Variants in SCN4A observed in about 807,000 individuals in gnomAD.
SCN4A encodes the protein sodium channel protein type 4 subunit alpha.
SCN4A carries 83 observed loss-of-function variants against 162.0 expected under a neutral mutation model. The ratio of observed to expected loss-of-function variants is 0.51; its 90% CI spans 0.43 to 0.61. The LOEUF is 0.61. Ranked by LOEUF, SCN4A falls within the 20% of genes least tolerant of loss-of-function variation. The probability of loss-of-function intolerance (pLI) is 0.00; values close to 1 mark genes in which losing one functional copy is unlikely to be tolerated. For synonymous variants in SCN4A, 944 were observed against 985.1 expected (o/e 0.96, Z 0.78); for missense variants, 2,196 against 2,462.5 (o/e 0.89, Z 2.29).
In SCN4A at chr17:63,948,758, C is replaced by G. The variant is rs1341818616; in HGVS notation, c.2997G>C (p.Val999=). 6.2e-7 allele frequency: 1 copy of G among 1,605,532 alleles called. No homozygotes were observed. ...QPEECFTEAC[V]QRWPCLYVDI... ...CCACGTAGAGGCAGGGCCAGCGCTG[C>G]ACGCAGGCTGATGGGGTGAGGGGGG... is the stretch of plus-strand genomic sequence containing the variant. The change falls in exon 16 of 24, where the codon GTG becomes GTC. Residue 999 remains valine (V), a synonymous_variant. Coordinates refer to ENST00000435607, the MANE Select transcript of SCN4A (RefSeq NM_000334.4).
intron 18 of SCN4A, among the ~76,000 whole-genome samples, chr17:63,946,297 G>A (rs1479603294): frequency 1.3e-5 from 2 of 152,168 alleles, no homozygotes; most frequent in South Asian, 2.1e-4. Context: ...GGGCTCCCTG[G>A]CTCTGGGGGG....
At chr17:63,943,197 A>C in intron 22 of SCN4A, 101 bp from the exon 23 acceptor site, 1 of 1,063,662 alleles carries the variant, frequency 9.4e-7, no homozygotes, top group East Asian at 2.4e-5. Flanking sequence ...AGCATGACAG[A>C]GATGACAGAG....
intron 5 of SCN4A, among the ~76,000 whole-genome samples, chr17:63,969,656 T>TTTTC (rs1567828636): frequency 3.7e-4 from 57 of 152,016 alleles, no homozygotes; most frequent in Admixed American, 7.2e-4. Flanking sequence ...CTTTTCTTTT[T>TTTTC]TTTTTGAGAT....
intron 4 of SCN4A, among the ~76,000 whole-genome samples, 198 bp downstream of exon 4, chr17:63,971,524 C>T (rs545420246): frequency 1.4e-4 from 21 of 152,112 alleles, no homozygotes; most frequent in Admixed American, 2.6e-4. Context: ...AGGGCTGCCT[C>T]ATGTGATTAT....
chr17:63,959,348 C>T lies in SCN4A; in HGVS notation c.1936G>A (p.Asp646Asn), dbSNP rs1220797445. The T allele has an allele frequency of 3.1e-6, 5 of 1,613,944 alleles. No individual in the cohort carries two copies. The highest frequency in any genetic ancestry group is 4.2e-6 in the Non-Finnish European group (5 of 1,179,858). The change falls in exon 12 of 24, where the codon GAC (aspartate) becomes AAC (asparagine). Residue 646 changes from aspartate to asparagine, a missense_variant. Physicochemically the swap from Asp to Asn is conservative, Grantham distance 23. Transcript: ENST00000435607. ...AGGCTGAGGGTGACGATGATGCTGTCGAAGATATTCCAACCCTGCTGGAAA... is the reference window on the plus strand; with the variant it reads ...AGGCTGAGGGTGACGATGATGCTGTTGAAGATATTCCAACCCTGCTGGAAA... ...EYFQQGWNIF[D>N]SIIVTLSLVE... is the part of the protein sequence containing the mutation.
chr17:63,943,234 G>A lies in SCN4A; in HGVS notation c.4018-138C>T, dbSNP rs1011098861. ...TGACAGAGAGAGAGAGAGAGAGAGA[G>A]AGAAAGGAGGTGTTGGGGGTTGTGG... is the stretch of plus-strand genomic sequence containing the variant. On this transcript the variant is annotated intron_variant, in intron 22 of 23. Transcript: ENST00000435607. The A allele has an allele frequency of 4.0e-6, 4 of 1,005,308 alleles. No individual in the cohort carries two copies. The African/African-American group carries it at 5.0e-5, about 13-fold the overall frequency. 62.3% of individuals were successfully genotyped at this position (1,005,308 alleles called of 1,614,324 possible).
chr17:63,946,622 G>A lies in SCN4A; in HGVS notation c.3441+423C>T, dbSNP rs1908734580. ...GGTGAGGGGAAGGCTCAGAGCCAGG[G>A]TGCAGGCACCTTGTTTCAAAGCCCT... On this transcript the variant is annotated intron_variant, in intron 18 of 23. Transcript: ENST00000435607. Among the ~76,000 whole-genome samples the A allele has an allele frequency of 2.0e-5, 3 of 152,120 alleles. 1 individual carries two copies. In the South Asian group the frequency reaches 6.2e-4, roughly 31 times the overall value.
rs1597973581 is a variant in SCN4A at position 63,951,562 on chromosome 17, G to A, written c.2715C>T (p.Ser905=). 5.0e-6 allele frequency: 8 copies of A among 1,613,886 alleles called. No individual in the cohort carries two copies. Among genetic ancestry groups the A allele is most frequent in the Admixed American group, 3.3e-5 (2 of 60,008 alleles). The change falls in exon 14 of 24, where the codon TCC becomes TCT. Residue 905 remains serine (S), a synonymous_variant. Transcript: ENST00000435607. This position sits in a 1 kb window ranked among gnomAD's most constrained non-coding sequence, Gnocchi z 4.5. The stretch of plus-strand genomic sequence containing the variant: ...AGTTAAGGTGGTCCAGCTCGAGGCT[G>A]GATGGGGGGCCGTCAGCCAGGCCCA... ...NHMGLADGPP[S]SLELDHLNFI... is the part of the protein sequence containing the mutation.
chr17:63,946,508 C>T (rs1433493166), intron 18 of SCN4A, among the ~76,000 whole-genome samples: 6 of 144,392 alleles, frequency 4.2e-5, no homozygotes, highest in Admixed American at 6.9e-5. Context: ...CTGCCACTTC[C>T]GCTCTCCAGG....
intron 16 of SCN4A, among the ~76,000 whole-genome samples, 154 bp downstream of exon 16, chr17:63,948,457 C>T (rs1035384367): frequency 6.6e-6 from 1 of 152,160 alleles, no homozygotes; most frequent in Non-Finnish European, 1.5e-5. Flanking sequence ...CATCCTATAA[C>T]CTATCCCGGA....
Position 63,941,602 on chromosome 17 carries a change from C to T in SCN4A, c.4680G>A (p.Pro1560=), listed in dbSNP as rs370207597. 4.8e-5 allele frequency: 78 copies of T among 1,613,876 alleles called. No homozygotes were observed. The Admixed American group carries it at 7.5e-4, about 16-fold the overall frequency. ...PPDCDPNLEN[P]GTSVKGDCGN... is the part of the protein sequence containing the mutation. ...CGCAGTCACCCTTGACACTGGTGCC[C>T]GGGTTCTCCAGGTTGGGGTCACAGT... Residue 1560 remains proline (P), a synonymous_variant, in exon 24 of 24, where the codon CCG becomes CCA. Coordinates refer to ENST00000435607, the MANE Select transcript of SCN4A (RefSeq NM_000334.4). This position sits in a 1 kb window ranked among gnomAD's most constrained non-coding sequence, Gnocchi z 6.2.
rs774491901 is a variant in SCN4A at position 63,951,507 on chromosome 17, C to T, written c.2770G>A (p.Val924Met). ...TCGGACTCCTCGGAGGCGATGGGCA[C>T]CTGTATGGTCAGGTAGGGGTTGTTG... The part of the protein sequence containing the change: ...FINNPYLTIQ[V>M]PIASEESDLE... Residue 924 changes from valine (V) to methionine (M), a missense_variant, in exon 14 of 24, where the codon GTG becomes ATG. Physicochemically the swap from Val to Met is conservative, Grantham distance 21. Coordinates refer to ENST00000435607, the MANE Select transcript of SCN4A (RefSeq NM_000334.4). This position sits in a 1 kb window ranked among gnomAD's most constrained non-coding sequence, Gnocchi z 4.5. 12 of 1,613,842 alleles carry T rather than the reference C, an allele frequency of 7.4e-6. No homozygotes were observed. The highest frequency in any genetic ancestry group is 1.1e-5 in the South Asian group (1 of 91,078).
Position 63,959,203 on chromosome 17 carries a change from A to G in SCN4A, c.2019+62T>C, listed in dbSNP as rs1597978551. 2.1e-6 allele frequency: 3 copies of G among 1,440,366 alleles called. No individual in the cohort carries two copies. In the Admixed American group the frequency reaches 5.7e-5, roughly 27 times the overall value. The allele number at this position is 1,440,366 out of a possible 1,614,324, so 89.2% of individuals were successfully genotyped here. A position where few individuals can be genotyped will look rare whatever the true frequency, so the allele number is the denominator to read the frequency against. ...GGTTTCTCCTCCCATCCCTGTGCCCACCCTCCTTAGTCTCCTCACCCCACC... is the reference window on the plus strand; with the variant it reads ...GGTTTCTCCTCCCATCCCTGTGCCCGCCCTCCTTAGTCTCCTCACCCCACC... On this transcript the variant is annotated intron_variant, in intron 12 of 23. Coordinates refer to ENST00000435607, the MANE Select transcript of SCN4A (RefSeq NM_000334.4).
At position 63,968,008 on chromosome 17, in the gene SCN4A, C is replaced by A. The variant is rs982166905; in HGVS notation, c.1036+15G>T. On this transcript the variant is annotated intron_variant, in intron 6 of 23. Coordinates refer to ENST00000435607, the MANE Select transcript of SCN4A (RefSeq NM_000334.4). ...GGACAGGATCCCCCTTGCCCGTCAC[C>A]CTCCCCATTCTTACCTTCATCACTG... 6.2e-7 allele frequency: 1 copy of A among 1,608,428 alleles called. No individual in the cohort carries two copies. Among genetic ancestry groups the A allele is most frequent in the East Asian group, 2.2e-5 (1 of 44,810 alleles).
chr17:63,958,845 G>A (rs1230469147), intron 12 of SCN4A, among the ~76,000 whole-genome samples: 1 of 152,228 alleles, frequency 6.6e-6, no homozygotes, highest in African/African-American at 2.4e-5. Context: ...GAGCCACCGC[G>A]TCCAGCTGAT....
intron 10 of SCN4A, among the ~76,000 whole-genome samples, chr17:63,962,105 C>A (rs1909283367): frequency 6.6e-6 from 1 of 152,184 alleles, no homozygotes; most frequent in Admixed American, 6.5e-5. Flanking sequence ...CCCCACCCCT[C>A]AGGGAGCTGG....
rs766463226 is a variant in SCN4A, at chr17:63,966,224, C to T, written c.1120G>A (p.Glu374Lys). The change falls in exon 8 of 24, where the codon GAG becomes AAG. Residue 374 changes from glutamate (E) to lysine (K), a missense_variant. By Grantham distance (56) the Glu-to-Lys change is moderately conservative. Transcript: ENST00000435607. ...GGGTTCCGCCCGGTCTTGATGCACT[C>T]ATAACCCTCAGGGCAGTGCCTAGGA... ...SDAGHCPEGYECIKTGRNPNY... is the reference protein window; with the variant it reads ...SDAGHCPEGYKCIKTGRNPNY... 106 of 1,604,506 alleles carry T rather than the reference C, an allele frequency of 6.6e-5. No homozygotes were observed. Among genetic ancestry groups the T allele is most frequent in the East Asian group, 5.4e-4 (24 of 44,578 alleles).
chr17:63,945,677 C>A lies in SCN4A; in HGVS notation c.3442-39G>T. ...GGTCCATTGCCAGTGCCTCTCCCAGCCTCTGAGAGAGGGCTCCACATCTCT... is the reference window on the plus strand; with the variant it reads ...GGTCCATTGCCAGTGCCTCTCCCAGACTCTGAGAGAGGGCTCCACATCTCT... On this transcript the variant is annotated intron_variant, in intron 18 of 23. Transcript: ENST00000435607. The surrounding 1 kb of genome is among the most constrained non-coding windows in gnomAD (Gnocchi z 4.4). 1 of 1,607,724 alleles carries A rather than the reference C, an allele frequency of 6.2e-7. No homozygotes were observed. Among genetic ancestry groups the A allele is most frequent in the Non-Finnish European group, 8.5e-7 (1 of 1,175,218 alleles).
intron 11 of SCN4A, among the ~76,000 whole-genome samples, chr17:63,960,889 A>G (rs545160147): frequency 7.1e-6 from 1 of 141,596 alleles, no homozygotes; most frequent in South Asian, 2.3e-4. Flanking sequence ...CCATTTCCTC[A>G]CCCCTGCTTC....
Sources: allele counts gnomAD v4.1 joint callset (sites outside exome capture counted in the v4.1 genomes callset), GRCh38; gene constraint gnomAD v4.1.1; non-coding constraint Gnocchi (gnomAD v3.1); transcripts MANE v1.5; gene names NCBI Gene and HGNC (gene_info 2026-07-23, HGNC 2026-07-21).